The following RERG variants were observed in gnomAD, a reference collection of about 807,000 sequenced individuals.
RERG encodes ras-related and estrogen-regulated growth inhibitor.
A neutral mutation model predicts 23.2 loss-of-function variants in RERG; 25 were observed. The ratio of observed to expected loss-of-function variants is 1.08; its 90% CI spans 0.79 to 1.50. The LOEUF (loss-of-function observed/expected upper bound fraction) is 1.50, where lower values mean the gene tolerates loss of function less well. Ranked by LOEUF, RERG falls within the 40% of genes most tolerant of loss-of-function variation. RERG has a pLI of 0.00. For missense variants in RERG, 253 were observed against 250.1 expected, an observed-to-expected ratio of 1.01 and a Z score of -0.08; for synonymous variants, 81 against 89.1, an observed-to-expected ratio of 0.91 and a Z score of 0.51.
chr12:15,181,247 C>T (rs985134953), intron 2 of RERG, among the ~76,000 whole-genome samples: 3 of 152,150 alleles, frequency 2.0e-5, no homozygotes, highest in Non-Finnish European at 2.9e-5. Flanking sequence ...AACCCAACAG[C>T]CAGCAAGCTA....
chr12:15,135,237 T>C (rs1864123855), intron 2 of RERG, among the ~76,000 whole-genome samples: 1 of 152,314 alleles, frequency 6.6e-6, no homozygotes, highest in East Asian at 1.9e-4. Context: ...TGTTCATTGT[T>C]GATATATAGG....
chr12:15,168,219 G>A (rs114027093), intron 2 of RERG, among the ~76,000 whole-genome samples: 1,546 of 152,278 alleles, frequency 0.01, 27 homozygotes, highest in African/African-American at 0.035. Flanking sequence ...GTCCCCTGCA[G>A]CTTTAATCAC....
At chr12:15,116,885 T>C (rs540846247) in intron 3 of RERG, among the ~76,000 whole-genome samples, 2 of 152,292 alleles carry the variant, frequency 1.3e-5, no homozygotes, top group South Asian at 4.1e-4. Context: ...AATTGAGCCT[T>C]TTTTGGTGAA....
At chr12:15,148,731 G>T (rs1317674591) in intron 2 of RERG, among the ~76,000 whole-genome samples, 1 of 151,102 alleles carries the variant, frequency 6.6e-6, no homozygotes, top group African/African-American at 2.4e-5. Flanking sequence ...TTAAATACTC[G>T]TATATTCCAG....
At chr12:15,121,308 C>G (rs558278120) in intron 2 of RERG, among the ~76,000 whole-genome samples, 189 bp from the exon 3 acceptor site, 1 of 152,056 alleles carries the variant, frequency 6.6e-6, no homozygotes, top group African/African-American at 2.4e-5. Context: ...GCCAAAAAAC[C>G]ATTGTAATAT....
rs898013197 is a variant in RERG at position 15,109,372 on chromosome 12, A to G, written c.338T>C (p.Leu113Pro). The G allele has an allele frequency of 6.2e-7, 1 of 1,613,920 alleles. No homozygotes were observed. The highest frequency in any genetic ancestry group is 1.3e-5 in the African/African-American group (1 of 74,862). ...GTCAGCTTTGTTTCCAACCAAGATGAGAGTCACATTCTTGGGCTTTTTGAT... is the reference window on the plus strand; with the variant it reads ...GTCAGCTTTGTTTCCAACCAAGATGGGAGTCACATTCTTGGGCTTTTTGAT... ...DEIKKPKNVT[L>P]ILVGNKADLD... The change falls in exon 5 of 5, where the codon CTC (leucine) becomes CCC (proline). Residue 113 changes from leucine (L) to proline (P), a missense_variant. Transcript: ENST00000256953.
chr12:15,144,664 G>T (rs1043873491), intron 2 of RERG, among the ~76,000 whole-genome samples: 1 of 152,112 alleles, frequency 6.6e-6, no homozygotes, highest in Admixed American at 6.5e-5. Context: ...GAATGGAGTG[G>T]GCTTAAGAGA....
chr12:15,122,679 A>G (rs4764165), intron 2 of RERG, among the ~76,000 whole-genome samples: 1 of 152,054 alleles, frequency 6.6e-6, no homozygotes, highest in South Asian at 2.1e-4. Context: ...ACATACAGGA[A>G]GCAGTAAGCA....
chr12:15,197,852 G>A (rs556265615), intron 2 of RERG, among the ~76,000 whole-genome samples: 41 of 152,214 alleles, frequency 2.7e-4, no homozygotes, highest in Admixed American at 1.4e-3. Flanking sequence ...GAAAAAGGAC[G>A]GGCTGGGCCT....
chr12:15,153,159 G>T (rs1356186949), intron 2 of RERG, among the ~76,000 whole-genome samples: 1 of 152,076 alleles, frequency 6.6e-6, no homozygotes, highest in Non-Finnish European at 1.5e-5. Flanking sequence ...TTGTTTTCTG[G>T]GTCAGTGTTT....
intron 2 of RERG, among the ~76,000 whole-genome samples, chr12:15,194,500 C>T (rs1332753094): frequency 3.2e-5 from 2 of 63,024 alleles, no homozygotes; most frequent in African/African-American, 6.4e-5. Flanking sequence ...AGAAGGAGCC[C>T]GATCTCCCTA....
chr12:15,180,113 T>C (rs948901621), intron 2 of RERG, among the ~76,000 whole-genome samples: 2 of 152,194 alleles, frequency 1.3e-5, no homozygotes, highest in African/African-American at 4.8e-5. Flanking sequence ...GAAATTTAAC[T>C]TTTTTTAAAC....
At chr12:15,152,929 T>C (rs564404576) in intron 2 of RERG, among the ~76,000 whole-genome samples, 3 of 152,298 alleles carry the variant, frequency 2.0e-5, no homozygotes, top group South Asian at 4.1e-4. Context: ...TTATGCTACT[T>C]AGGAAAATGC....
chr12:15,184,958 A>G (rs1352276351), intron 2 of RERG, among the ~76,000 whole-genome samples: 1 of 152,198 alleles, frequency 6.6e-6, no homozygotes. Context: ...GAAAGTGACA[A>G]AAAAGCAGCT....
intron 2 of RERG, among the ~76,000 whole-genome samples, chr12:15,141,750 A>G (rs1357140274): frequency 6.6e-6 from 1 of 152,212 alleles, no homozygotes; most frequent in Non-Finnish European, 1.5e-5. Flanking sequence ...TAAGAATGGA[A>G]GTGATGACTT....
At chr12:15,149,361 A>T (rs1292668611) in intron 2 of RERG, among the ~76,000 whole-genome samples, 3 of 152,210 alleles carry the variant, frequency 2.0e-5, no homozygotes, top group Non-Finnish European at 2.9e-5. Flanking sequence ...TATTAATAGT[A>T]AAATGTATCT....
intron 2 of RERG, among the ~76,000 whole-genome samples, chr12:15,181,905 G>A (rs1407751732): frequency 2.0e-5 from 3 of 152,116 alleles, no homozygotes; most frequent in Non-Finnish European, 4.4e-5. Flanking sequence ...AGCAAACTCT[G>A]GGAGAATGTC....
intron 2 of RERG, among the ~76,000 whole-genome samples, chr12:15,195,331 T>C (rs1865128270): frequency 6.6e-6 from 1 of 152,050 alleles, no homozygotes. Context: ...TTTCCACCTC[T>C]CACACAAGTG....
At chr12:15,168,642 C>G (rs1276502965) in intron 2 of RERG, among the ~76,000 whole-genome samples, 1 of 152,026 alleles carries the variant, frequency 6.6e-6, no homozygotes. Flanking sequence ...CATTCCTGCT[C>G]CCAGCAAGCA....
Sources: allele counts gnomAD v4.1 joint callset (sites outside exome capture counted in the v4.1 genomes callset), GRCh38; gene constraint gnomAD v4.1.1; transcripts MANE v1.5; gene names NCBI Gene and HGNC (gene_info 2026-07-23, HGNC 2026-07-21).